PHEX: variants seen among roughly 807,000 people sequenced by gnomAD.
PHEX encodes the protein phosphate-regulating neutral endopeptidase PHEX.
A neutral mutation model predicts 68.0 loss-of-function variants in PHEX; 16 were observed. The ratio of observed to expected loss-of-function variants is 0.24; its 90% CI spans 0.16 to 0.36. PHEX has a LOEUF of 0.36. Among genes scored for constraint, PHEX ranks in the 10% least tolerant of loss-of-function variants. PHEX has a pLI of 1.00. For missense variants in PHEX, 480 were observed against 575.5 expected (o/e 0.83, Z 1.70); for synonymous variants, 208 against 205.1 (o/e 1.01, Z -0.12).
chrX:22,089,930 G>A (rs1373980709), intron 5 of PHEX, among the ~76,000 whole-genome samples: 1 of 112,048 alleles, frequency 8.9e-6, no homozygotes, highest in Non-Finnish European at 1.9e-5. Flanking sequence ...TGTTATTTTA[G>A]AGATAAGGAG....
At chrX:22,129,020 T>A (rs1269767895) in intron 11 of PHEX, among the ~76,000 whole-genome samples, 1 of 111,590 alleles carries the variant, frequency 9.0e-6, no homozygotes, top group African/African-American at 3.3e-5. Flanking sequence ...TATAATGATA[T>A]ACTGTAATAA....
chrX:22,099,952 C>T (rs1314362066), intron 9 of PHEX, among the ~76,000 whole-genome samples: 1 of 112,422 alleles, frequency 8.9e-6, no homozygotes, highest in Non-Finnish European at 1.9e-5. Context: ...GAAAATGTAG[C>T]ATTTATCCCC....
intron 3 of PHEX, among the ~76,000 whole-genome samples, chrX:22,054,311 T>G (rs1362527224): frequency 9.0e-6 from 1 of 110,691 alleles, no homozygotes; most frequent in African/African-American, 3.3e-5. Flanking sequence ...ATTTTTGTAT[T>G]TTTAGTAGAG....
At chrX:22,106,601 C>G (rs1018186182) in intron 9 of PHEX, among the ~76,000 whole-genome samples, 3 of 109,804 alleles carry the variant, frequency 2.7e-5, no homozygotes, top group Non-Finnish European at 5.7e-5. Context: ...GAAACCCTGT[C>G]TCTACCAAAA....
At chrX:22,070,949 A>G (rs1178032939) in intron 3 of PHEX, among the ~76,000 whole-genome samples, 1 of 112,028 alleles carries the variant, frequency 8.9e-6, no homozygotes, top group East Asian at 2.8e-4. Flanking sequence ...TTTTAGGTGG[A>G]TATGTCTTAG....
At chrX:22,038,578 G>T (rs753264694) in intron 2 of PHEX, 41 bp downstream of exon 2, 1 of 886,976 alleles carries the variant, frequency 1.1e-6, no homozygotes, top group East Asian at 3.1e-5. Context: ...TTATAATTAT[G>T]GTACCTTGGG....
At chrX:22,226,542 A>G (rs1191869809) in intron 19 of PHEX, 34 bp downstream of exon 19, 2 of 1,104,769 alleles carry the variant, frequency 1.8e-6, no homozygotes, top group East Asian at 6.0e-5. Flanking sequence ...GGTTCTAAAA[A>G]TCAAGCCATA....
At chrX:22,151,559 T>C (rs1317591099) in intron 12 of PHEX, among the ~76,000 whole-genome samples, 1 of 111,478 alleles carries the variant, frequency 9.0e-6, no homozygotes, top group East Asian at 2.8e-4. Context: ...CAGACTCCAT[T>C]TCTCAGCATG....
At chrX:22,226,279 C>T (rs1267154681) in intron 18 of PHEX, among the ~76,000 whole-genome samples, 164 bp from the exon 19 acceptor site, 1 of 107,163 alleles carries the variant, frequency 9.3e-6, no homozygotes, top group Non-Finnish European at 1.9e-5. Flanking sequence ...GGATAGTTTG[C>T]CATCTTTCTT....
chrX:22,105,869 T>A (rs1285266928), intron 9 of PHEX, among the ~76,000 whole-genome samples: 1 of 111,980 alleles, frequency 8.9e-6, no homozygotes, highest in Non-Finnish European at 1.9e-5. Context: ...TGTTTCTGAT[T>A]TTGGATTTAT....
At chrX:22,137,258 C>T (rs1469845190) in intron 12 of PHEX, among the ~76,000 whole-genome samples, 1 of 111,417 alleles carries the variant, frequency 9.0e-6, no homozygotes, top group Non-Finnish European at 1.9e-5. Context: ...AGCTGGATCC[C>T]TTCGGAATTA....
At chrX:22,233,984 C>T (rs1167760701) in intron 20 of PHEX, among the ~76,000 whole-genome samples, 1 of 110,904 alleles carries the variant, frequency 9.0e-6, no homozygotes, top group Non-Finnish European at 1.9e-5. Flanking sequence ...TGGTGACCTT[C>T]GGATGGGGTA....
intron 3 of PHEX, among the ~76,000 whole-genome samples, chrX:22,066,507 G>A (rs866822410): frequency 8.9e-6 from 1 of 112,444 alleles, no homozygotes; most frequent in Non-Finnish European, 1.9e-5. Flanking sequence ...TGCCAGGGAA[G>A]TCATGGCAGC....
intron 15 of PHEX, among the ~76,000 whole-genome samples, chrX:22,192,781 T>C (rs1034774335): frequency 8.9e-6 from 1 of 111,835 alleles, no homozygotes; most frequent in Non-Finnish European, 1.9e-5. Context: ...CAGTCTGCCG[T>C]GGGTCCTCCA....
At chrX:22,136,990 C>T (rs1224943630) in intron 12 of PHEX, among the ~76,000 whole-genome samples, 4 of 112,124 alleles carry the variant, frequency 3.6e-5, no homozygotes, top group African/African-American at 1.3e-4. Context: ...AGCATGTGCT[C>T]TTATTGTAAA....
chrX:22,189,475 G>A (rs1438145286), intron 14 of PHEX, among the ~76,000 whole-genome samples: 1 of 111,387 alleles, frequency 9.0e-6, no homozygotes, highest in Non-Finnish European at 1.9e-5. Flanking sequence ...GGTGGCTCAC[G>A]CCTGTAGTCC....
intron 11 of PHEX, among the ~76,000 whole-genome samples, chrX:22,131,229 C>T (rs1416160323): frequency 2.7e-5 from 3 of 110,019 alleles, no homozygotes; most frequent in Non-Finnish European, 5.7e-5. Flanking sequence ...TTAGTAGAGA[C>T]GGGGTTTCAC....
intron 8 of PHEX, 101 bp downstream of exon 8, chrX:22,097,139 A>G (rs1452073040): frequency 1.2e-5 from 7 of 601,462 alleles, no homozygotes; most frequent in South Asian, 4.7e-5. Flanking sequence ...ACCTGCTCTC[A>G]GTCTTGGTTA....
At chrX:22,142,236 A>T (rs1024687950) in intron 12 of PHEX, among the ~76,000 whole-genome samples, 6 of 112,235 alleles carry the variant, frequency 5.3e-5, no homozygotes, top group Non-Finnish European at 1.1e-4. Flanking sequence ...TGGGCGACAG[A>T]GTGAGATTCT....
Sources: allele counts gnomAD v4.1 joint callset (sites outside exome capture counted in the v4.1 genomes callset), GRCh38; gene constraint gnomAD v4.1.1; transcripts MANE v1.5; gene names NCBI Gene and HGNC (gene_info 2026-07-23, HGNC 2026-07-21).